ABCC9: variants seen among roughly 807,000 people sequenced by gnomAD.
ABCC9 encodes ATP-binding cassette sub-family C member 9.
In ABCC9, 95 loss-of-function variants were observed where a neutral mutation model predicts 188.3. The observed-to-expected ratio is 0.50, with a 90% confidence interval of 0.43 to 0.60. ABCC9 has a LOEUF of 0.60. ABCC9 is among the 20% of genes least tolerant of loss of function. ABCC9 has a pLI of 0.00. For missense variants in ABCC9, 1,102 were observed against 1,876.3 expected, an observed-to-expected ratio of 0.59 and a Z score of 7.62; for synonymous variants, 659 against 652.7, an observed-to-expected ratio of 1.01 and a Z score of -0.15.
At chr12:21,812,978 A>G (rs2137155171) in intron 35 of ABCC9, among the ~76,000 whole-genome samples, 3 of 152,294 alleles carry the variant, frequency 2.0e-5, no homozygotes, top group Non-Finnish European at 4.4e-5. Context: ...AAGTATTTTT[A>G]TCCCTTACTG....
intron 6 of ABCC9, 35 bp from the exon 7 acceptor site, chr12:21,915,945 G>C: frequency 6.3e-7 from 1 of 1,588,924 alleles, no homozygotes; most frequent in Non-Finnish European, 8.6e-7. Context: ...ATAACAATTA[G>C]TCCAATTATT....
At chr12:21,936,744 T>C in intron 2 of ABCC9, 50 bp from the exon 3 acceptor site, 1 of 1,388,962 alleles carries the variant, frequency 7.2e-7, no homozygotes, top group South Asian at 1.2e-5. Flanking sequence ...AGTAAACTCT[T>C]GTTCATAAAA....
At chr12:21,937,543 A>G (rs1949537116) in intron 2 of ABCC9, among the ~76,000 whole-genome samples, 1 of 152,134 alleles carries the variant, frequency 6.6e-6, no homozygotes, top group Non-Finnish European at 1.5e-5. Flanking sequence ...TCTCACTTAC[A>G]TGTTAAATGG....
chr12:21,836,897 G>C (rs1944131095), intron 30 of ABCC9, among the ~76,000 whole-genome samples: 1 of 152,124 alleles, frequency 6.6e-6, no homozygotes, highest in Non-Finnish European at 1.5e-5. Context: ...AAATAAAAAG[G>C]ACAACATGGC....
At chr12:21,830,974 TTATCTATCTATCTATCTATC>T (rs3983520) in intron 30 of ABCC9, 3 of 147,376 alleles carry the variant, frequency 2.0e-5, no homozygotes, top group African/African-American at 7.6e-5. Flanking sequence ...ACCATAAAGA[TTATCTATCTATCTATCTATC>T]TATCTATCTA....
rs7954627 is a variant in ABCC9 at position 21,855,264 on chromosome 12, G to C, written c.2506-2759C>G. On this transcript the variant is annotated intron_variant, in intron 22 of 39. Coordinates refer to ENST00000261200, the MANE Select transcript of ABCC9 (RefSeq NM_020297.4). ...AGATGGAGTCTCACTCTGTCGCCCA[G>C]GCTGGAGTGCAATGGCATGATCTCA... is the stretch of plus-strand genomic sequence containing the variant. Among the ~76,000 whole-genome samples, 319 of 152,232 alleles carry C rather than the reference G, an allele frequency of 2.1e-3. 1 individual carries two copies. The highest frequency in any genetic ancestry group is 7.6e-3 in the African/African-American group (316 of 41,540).
chr12:21,913,086 A>C lies in ABCC9; in HGVS notation c.817-20T>G, dbSNP rs1407515504. On this transcript the variant is annotated intron_variant, in intron 7 of 39. Transcript: ENST00000261200. Reference sequence around the variant, plus strand: ...TTTTTTCTGAAGAAAAAAAAAAGAAAAAAAAAACAGATGTAACAAAATAAA... The same window carrying C: ...TTTTTTCTGAAGAAAAAAAAAAGAACAAAAAAACAGATGTAACAAAATAAA... The C allele has an allele frequency of 2.5e-6, 4 of 1,591,362 alleles. No homozygotes were observed. The highest frequency in any genetic ancestry group is 3.4e-6 in the Non-Finnish European group (4 of 1,171,756).
intron 31 of ABCC9, among the ~76,000 whole-genome samples, chr12:21,820,721 G>A (rs949546071): frequency 6.6e-6 from 1 of 151,906 alleles, no homozygotes; most frequent in African/African-American, 2.4e-5. Context: ...TTGTCGGTAG[G>A]TCTCTGATAC....
intron 10 of ABCC9, among the ~76,000 whole-genome samples, chr12:21,908,908 C>T (rs1948178652): frequency 6.6e-6 from 1 of 151,856 alleles, no homozygotes; most frequent in African/African-American, 2.4e-5. Context: ...CAGAATTTAC[C>T]CCTGCTATCC....
chr12:21,889,332 G>A (rs566240729), intron 14 of ABCC9, among the ~76,000 whole-genome samples: 44 of 132,468 alleles, frequency 3.3e-4, no homozygotes, highest in Non-Finnish European at 6.3e-4. Context: ...TTATAAATGC[G>A]TTATGAAACA....
intron 16 of ABCC9, 96 bp downstream of exon 16, chr12:21,882,670 T>G (rs1946679605): frequency 2.6e-6 from 3 of 1,140,574 alleles, no homozygotes; most frequent in Admixed American, 1.8e-5. Flanking sequence ...TAAAAACAAT[T>G]TAAAGGCACA....
chr12:21,898,068 G>A (rs372171091), intron 12 of ABCC9, among the ~76,000 whole-genome samples: 54 of 152,300 alleles, frequency 3.5e-4, no homozygotes, highest in African/African-American at 1.3e-3. Context: ...TTGCGAGGCG[G>A]AAGCACTTGA....
intron 16 of ABCC9, among the ~76,000 whole-genome samples, chr12:21,877,645 A>T (rs377575183): frequency 6.6e-6 from 1 of 152,188 alleles, no homozygotes; most frequent in African/African-American, 2.4e-5. Context: ...GAGACCCTAC[A>T]TGACACCGTT....
At chr12:21,825,032 A>G (rs917697335) in intron 31 of ABCC9, among the ~76,000 whole-genome samples, 10 of 152,162 alleles carry the variant, frequency 6.6e-5, no homozygotes, top group African/African-American at 2.4e-4. Context: ...CTATCTCAAC[A>G]TATGAAAAAA....
chr12:21,848,059 T>G (rs1030829829), intron 25 of ABCC9, 91 bp downstream of exon 25: 56 of 1,144,566 alleles, frequency 4.9e-5, no homozygotes, highest in Non-Finnish European at 7.3e-5. Flanking sequence ...GCAAAGTGGC[T>G]TATTATTCCT....
rs536843080 is a variant in ABCC9, at chr12:21,815,716, C to T, written c.4023+47G>A. 2.1e-4 allele frequency: 330 copies of T among 1,605,694 alleles called. 6 individuals carry two copies. In the South Asian group the frequency reaches 3.5e-3, roughly 17 times the overall value. On this transcript the variant is annotated intron_variant, in intron 34 of 39. Transcript: ENST00000261200. ...CTTAGGTAGTAAAAAAGCAGACTCCCTCAGAGGTTTTATGTATACAACATA... is the reference window on the plus strand; with the variant it reads ...CTTAGGTAGTAAAAAAGCAGACTCCTTCAGAGGTTTTATGTATACAACATA...
At position 21,852,367 on chromosome 12, in the gene ABCC9, C is replaced by T; in HGVS notation, c.2643+1G>A. 6.2e-7 allele frequency: 1 copy of T among 1,613,864 alleles called. No homozygotes were observed. The highest frequency in any genetic ancestry group is 8.5e-7 in the Non-Finnish European group (1 of 1,179,952). ...AGCAAAATTCTCTTCTAAACTCTTA[C>T]CCAGTCAGCATGCGTCAGATACTGT... On this transcript the variant is annotated splice_donor_variant, in intron 23 of 39. Coordinates refer to ENST00000261200, the MANE Select transcript of ABCC9 (RefSeq NM_020297.4). LOFTEE classifies it high-confidence loss of function.
chr12:21,882,915 A>G, intron 15 of ABCC9, 42 bp from the exon 16 acceptor site: 1 of 1,516,636 alleles, frequency 6.6e-7, no homozygotes, highest in Admixed American at 1.7e-5. Context: ...AGGCTTTATT[A>G]AAAAAATGAA....
At chr12:21,905,527 C>T (rs1350080017) in intron 12 of ABCC9, among the ~76,000 whole-genome samples, 2 of 151,736 alleles carry the variant, frequency 1.3e-5, no homozygotes, top group African/African-American at 2.4e-5. Context: ...ACAAATAGAA[C>T]GATGTCTTTT....
Sources: allele counts gnomAD v4.1 joint callset (sites outside exome capture counted in the v4.1 genomes callset), GRCh38; gene constraint gnomAD v4.1.1; transcripts MANE v1.5; gene names NCBI Gene and HGNC (gene_info 2026-07-23, HGNC 2026-07-21).